The following ST6GALNAC3 variants were observed in gnomAD, a reference collection of about 807,000 sequenced individuals.
ST6GALNAC3 encodes ST6 N-acetylgalactosaminide alpha-2,6-sialyltransferase 3.
A neutral mutation model predicts 32.7 loss-of-function variants in ST6GALNAC3; 25 were observed. The observed-to-expected ratio is 0.76, with a 90% CI of 0.56 to 1.07. The LOEUF is 1.07. Ranked by LOEUF, ST6GALNAC3 falls within the 50% of genes least tolerant of loss-of-function variation. The pLI is 0.00. For missense variants in ST6GALNAC3, 355 were observed against 382.4 expected (o/e 0.93, Z 0.60); for synonymous variants, 129 against 133.1 (o/e 0.97, Z 0.21).
At chr1:76,442,661 C>T (rs17629536) in intron 3 of ST6GALNAC3, among the ~76,000 whole-genome samples, 18,666 of 152,166 alleles carry the variant, frequency 0.12, 1,389 homozygotes, top group Middle Eastern at 0.24. Flanking sequence ...GACAAGAACC[C>T]ACTGATTTGT....
At chr1:76,092,674 G>T (rs1476557856) in intron 1 of ST6GALNAC3, among the ~76,000 whole-genome samples, 4 of 152,288 alleles carry the variant, frequency 2.6e-5, no homozygotes, top group Admixed American at 2.6e-4. Context: ...GTAATATTCT[G>T]CAATTATTGT....
intron 1 of ST6GALNAC3, among the ~76,000 whole-genome samples, chr1:76,114,399 C>T (rs530989704): frequency 9.9e-5 from 15 of 152,134 alleles, no homozygotes; most frequent in Admixed American, 3.9e-4. Context: ...GAACAGGGAG[C>T]ACCTGTCCTG....
intron 1 of ST6GALNAC3, among the ~76,000 whole-genome samples, chr1:76,106,610 C>T (rs895172678): frequency 2.0e-5 from 3 of 152,118 alleles, no homozygotes; most frequent in Non-Finnish European, 4.4e-5. Context: ...AGTCATGTCA[C>T]TTGGTGGGGT....
intron 1 of ST6GALNAC3, among the ~76,000 whole-genome samples, chr1:76,303,626 A>C (rs1188799337): frequency 6.6e-6 from 1 of 152,136 alleles, no homozygotes; most frequent in Non-Finnish European, 1.5e-5. Context: ...TGTCCTTATC[A>C]GAAGAATAGG....
At chr1:76,171,587 TAAA>T in intron 1 of ST6GALNAC3, among the ~76,000 whole-genome samples, 1 of 148,004 alleles carries the variant, frequency 6.8e-6, no homozygotes, top group Middle Eastern at 3.5e-3. Context: ...ATAGACACAA[TAAA>T]AAATGATAAA....
chr1:76,384,713 A>C (rs764908115), intron 2 of ST6GALNAC3, among the ~76,000 whole-genome samples: 41 of 152,126 alleles, frequency 2.7e-4, no homozygotes, highest in Non-Finnish European at 5.9e-4. Flanking sequence ...GAAATAAGCC[A>C]TAAATTAATA....
At chr1:76,374,482 T>G (rs775868817) in intron 2 of ST6GALNAC3, among the ~76,000 whole-genome samples, 3 of 152,222 alleles carry the variant, frequency 2.0e-5, no homozygotes, top group Non-Finnish European at 2.9e-5. Flanking sequence ...CGCCTAATTT[T>G]TATTACACTT....
chr1:76,540,228 C>G (rs935219585), intron 3 of ST6GALNAC3, among the ~76,000 whole-genome samples: 1 of 152,052 alleles, frequency 6.6e-6, no homozygotes, highest in African/African-American at 2.4e-5. Context: ...AAGCTGGAAG[C>G]CTTCATCTCC....
At chr1:76,637,092 C>G (rs1230218798), downstream of ST6GALNAC3, 1 of 152,176 alleles carries the variant, frequency 6.6e-6, no homozygotes, top group Non-Finnish European at 1.5e-5. Flanking sequence ...TACGATCATA[C>G]AGTGTACACC....
Position 76,190,439 on chromosome 1 carries a change from T to C in ST6GALNAC3, c.18+115555T>C, listed in dbSNP as rs61455604. On this transcript the variant is annotated intron_variant, in intron 1 of 4. Transcript: ENST00000328299. ...TGGAAGGATTTGGTTTACATTATAT[T>C]GAAAAATAAAACAAGACAAGTCAAG... 6.6e-4 allele frequency among the ~76,000 whole-genome samples: 101 copies of C among 152,260 alleles called. 1 individual carries two copies. The highest frequency in any genetic ancestry group is 2.4e-3 in the African/African-American group (101 of 41,560).
Position 76,412,189 on chromosome 1 carries a change from G to C in ST6GALNAC3, c.395G>C (p.Ser132Thr). Residue 132 changes from serine to threonine, a missense_variant, in exon 3 of 5, where the codon AGC becomes ACC. Physicochemically the swap from Ser to Thr is moderately conservative, Grantham distance 58 (BLOSUM62 1). Coordinates refer to ENST00000328299, the MANE Select transcript of ST6GALNAC3 (RefSeq NM_152996.4). Reference sequence around the variant, plus strand: ...ATGATTCGAGTTGTGTCCCATACCAGCGTTCCTCTTTTGCTAAAAAACCCT... The same window carrying C: ...ATGATTCGAGTTGTGTCCCATACCACCGTTCCTCTTTTGCTAAAAAACCCT... The part of the protein sequence containing the change: ...MTMIRVVSHT[S>T]VPLLLKNPDY... The C allele has an allele frequency of 6.2e-7, 1 of 1,613,684 alleles. No individual in the cohort carries two copies. Among genetic ancestry groups the C allele is most frequent in the Non-Finnish European group, 8.5e-7 (1 of 1,179,786 alleles).
intron 2 of ST6GALNAC3, among the ~76,000 whole-genome samples, chr1:76,375,888 T>G (rs982392081): frequency 6.6e-6 from 1 of 152,142 alleles, no homozygotes; most frequent in African/African-American, 2.4e-5. Context: ...GGGGAAAGTG[T>G]GCATAGTGTT....
intron 1 of ST6GALNAC3, among the ~76,000 whole-genome samples, chr1:76,141,517 A>G (rs1026890127): frequency 6.6e-6 from 1 of 152,244 alleles, no homozygotes; most frequent in Admixed American, 6.5e-5. Context: ...TCAGCATTCA[A>G]CAAAAGATAG....
At chr1:76,515,104 T>C (rs1050510000) in intron 3 of ST6GALNAC3, among the ~76,000 whole-genome samples, 4 of 152,186 alleles carry the variant, frequency 2.6e-5, no homozygotes, top group Non-Finnish European at 1.5e-5. Context: ...GTTCTTTAAA[T>C]GTTTGATAGA....
At chr1:76,582,765 T>C (rs1646909445) in intron 3 of ST6GALNAC3, among the ~76,000 whole-genome samples, 2 of 152,316 alleles carry the variant, frequency 1.3e-5, no homozygotes, top group South Asian at 4.1e-4. Flanking sequence ...ACACAGCAAG[T>C]CAGCTTTCCT....
intron 2 of ST6GALNAC3, among the ~76,000 whole-genome samples, chr1:76,353,023 C>T (rs1430926956): frequency 6.6e-6 from 1 of 151,966 alleles, no homozygotes; most frequent in Non-Finnish European, 1.5e-5. Context: ...TCTCATCTTC[C>T]AGCCCTCACC....
At chr1:76,176,153 A>G (rs780477664) in intron 1 of ST6GALNAC3, among the ~76,000 whole-genome samples, 32 of 152,274 alleles carry the variant, frequency 2.1e-4, no homozygotes, top group Middle Eastern at 3.4e-3. Context: ...CCCTCCCTAG[A>G]ACTAATGACT....
chr1:76,299,424 C>T (rs1481679636), intron 1 of ST6GALNAC3, among the ~76,000 whole-genome samples: 1 of 152,060 alleles, frequency 6.6e-6, no homozygotes, highest in Admixed American at 6.5e-5. Flanking sequence ...TTTTCAAGAG[C>T]TCACAGTCTA....
At chr1:76,270,725 A>T (rs1301384731) in intron 1 of ST6GALNAC3, among the ~76,000 whole-genome samples, 1 of 152,012 alleles carries the variant, frequency 6.6e-6, no homozygotes, top group Non-Finnish European at 1.5e-5. Flanking sequence ...GGTGGAAATG[A>T]CCAGGAACAC....
Sources: allele counts gnomAD v4.1 joint callset (sites outside exome capture counted in the v4.1 genomes callset), GRCh38; gene constraint gnomAD v4.1.1; transcripts MANE v1.5; gene names NCBI Gene and HGNC (gene_info 2026-07-23, HGNC 2026-07-21).